NAT8L: variants seen among roughly 807,000 people sequenced by gnomAD.
NAT8L encodes aspartate N-acetyltransferase.
Under a neutral mutation model 21.2 loss-of-function variants are expected in NAT8L, and 6 were observed. The ratio of observed to expected loss-of-function variants is 0.28; its 90% CI spans 0.16 to 0.56. The LOEUF is 0.56. NAT8L is among the 20% of genes least tolerant of loss of function. NAT8L has a pLI of 0.93. For synonymous variants in NAT8L, 239 were observed against 204.9 expected, an observed-to-expected ratio of 1.17 and a Z score of -1.42; for missense variants, 331 against 433.3, an observed-to-expected ratio of 0.76 and a Z score of 2.10.
At chr4:2,063,229 C>G (rs1045823606) in intron 2 of NAT8L, among the ~76,000 whole-genome samples, 2 of 152,286 alleles carry the variant, frequency 1.3e-5, no homozygotes, top group African/African-American at 2.4e-5. Context: ...TTGCGGCCCT[C>G]TGCTGTGGGT....
Position 2,064,490 on chromosome 4 carries a change from C to T in NAT8L, c.*363C>T, listed in dbSNP as rs910712554. 1.9e-5 allele frequency: 3 copies of T among 157,010 alleles called. 1 individual carries two copies. The highest frequency in any genetic ancestry group is 1.9e-4 in the East Asian group (1 of 5,374). 9.7% of individuals were successfully genotyped at this position (157,010 alleles called of 1,614,324 possible). A position where few individuals can be genotyped will look rare whatever the true frequency, so the allele number is the denominator to read the frequency against. On this transcript the variant is annotated 3_prime_UTR_variant, in exon 3 of 3. Coordinates refer to ENST00000423729, the MANE Select transcript of NAT8L (RefSeq NM_178557.4). The stretch of plus-strand genomic sequence containing the variant: ...AGCACAGAACCTCTGCAGCAGATCC[C>T]GGGGCCAGGCTCCGGCCCCGCCTGC...
chr4:2,060,059 G>T lies in NAT8L; in HGVS notation c.376+172G>T, dbSNP rs1729823006. 6.6e-6 allele frequency among the ~76,000 whole-genome samples: 1 copy of T among 151,834 alleles called. No individual in the cohort carries two copies. Among genetic ancestry groups the T allele is most frequent in the East Asian group, 2.0e-4 (1 of 5,118 alleles). ...GCTGGCTATGGGCGTGGGGATGGGCGCAGGGCCCCGAGCGGGCCGGAGCCG... is the reference window on the plus strand; with the variant it reads ...GCTGGCTATGGGCGTGGGGATGGGCTCAGGGCCCCGAGCGGGCCGGAGCCG... On this transcript the variant is annotated intron_variant, in intron 1 of 2. Transcript: ENST00000423729. This position sits in a 1 kb window ranked among gnomAD's most constrained non-coding sequence, Gnocchi z 4.7.
chr4:2,068,653 C>G lies in NAT8L; in HGVS notation c.*4526C>G, dbSNP rs891423396. 7.2e-5 allele frequency: 11 copies of G among 152,248 alleles called. No individual in the cohort carries two copies. The highest frequency in any genetic ancestry group is 2.7e-4 in the African/African-American group (11 of 41,438). 9.4% of individuals were successfully genotyped at this position (152,248 alleles called of 1,614,324 possible). A position where few individuals can be genotyped will look rare whatever the true frequency, so the allele number is the denominator to read the frequency against. On this transcript the variant is annotated 3_prime_UTR_variant, in exon 3 of 3. Transcript: ENST00000423729. ...CATGAGCATGCATGCGTGCGAGTGC[C>G]TGTGTGTGTACTTGCATATATGTGG... is the stretch of plus-strand genomic sequence containing the variant.
chr4:2,061,248 G>A, intron 2 of NAT8L, 86 bp downstream of exon 2: 1 of 1,566,922 alleles, frequency 6.4e-7, no homozygotes, highest in Non-Finnish European at 8.6e-7. Flanking sequence ...GCAGGCCTGG[G>A]CGAGGGCCGG....
chr4:2,066,433 C>T lies in NAT8L; in HGVS notation c.*2306C>T, dbSNP rs1327695721. ...TGAGCAGAGGCACTGGTGTGCCTGC[C>T]AGGCTGGGGCGGAGCTGCCCGGAAC... is the stretch of plus-strand genomic sequence containing the variant. On this transcript the variant is annotated 3_prime_UTR_variant, in exon 3 of 3. Transcript: ENST00000423729. The T allele has an allele frequency of 6.6e-6, 1 of 152,248 alleles. No homozygotes were observed. The highest frequency in any genetic ancestry group is 1.5e-5 in the Non-Finnish European group (1 of 68,082). The allele number at this position is 152,248 out of a possible 1,614,324, so 9.4% of individuals were successfully genotyped here. A position where few individuals can be genotyped will look rare whatever the true frequency, so the allele number is the denominator to read the frequency against.
chr4:2,063,048 G>A (rs546549399), intron 2 of NAT8L, among the ~76,000 whole-genome samples: 2 of 152,230 alleles, frequency 1.3e-5, no homozygotes, highest in African/African-American at 2.4e-5. Flanking sequence ...TGCCTGACTC[G>A]AGGTGAGAAT....
In NAT8L at chr4:2,059,428, A is replaced by C; in HGVS notation, c.-84A>C. 2 of 507,942 alleles carry C rather than the reference A, an allele frequency of 3.9e-6. No individual in the cohort carries two copies. Among genetic ancestry groups the C allele is most frequent in the Non-Finnish European group, 5.0e-6 (2 of 403,314 alleles). The allele number at this position is 507,942 out of a possible 1,614,324, so 31.5% of individuals were successfully genotyped here. A position where few individuals can be genotyped will look rare whatever the true frequency, so the allele number is the denominator to read the frequency against. On this transcript the variant is annotated 5_prime_UTR_variant, in exon 1 of 3. Coordinates refer to ENST00000423729, the MANE Select transcript of NAT8L (RefSeq NM_178557.4). The surrounding 1 kb of genome is among the most constrained non-coding windows in gnomAD (Gnocchi z 4.8). ...CGCCGCCGCCGCCGCCGCGGGTCCG[A>C]GGGCGCCGCGCCCTTGCCCTGGGCC...
chr4:2,063,950 G>T lies in NAT8L; in HGVS notation c.732G>T (p.Val244=). 1 of 1,611,818 alleles carries T rather than the reference G, an allele frequency of 6.2e-7. No individual in the cohort carries two copies. The highest frequency in any genetic ancestry group is 8.5e-7 in the Non-Finnish European group (1 of 1,179,614). The change falls in exon 3 of 3, where the codon GTG becomes GTT. Residue 244 remains valine, a synonymous_variant. Transcript: ENST00000423729. ...CCGTGGTGCACAACTACTCCGCGGTGGTGCTGGGCACGACGGCCGTCAAGG... is the reference window on the plus strand; with the variant it reads ...CCGTGGTGCACAACTACTCCGCGGTTGTGCTGGGCACGACGGCCGTCAAGG... ...EFAVVHNYSA[V]VLGTTAVKVA...
chr4:2,061,254 GC>G lies in NAT8L; in HGVS notation c.541+94del, dbSNP rs1300879961. ...GACCTCAGGGCAGGCCTGGGCGAGGGCCGGCGTGGGTGGGCCTGAGCCGGGG... is the reference window on the plus strand; with the variant it reads ...GACCTCAGGGCAGGCCTGGGCGAGGGCGGCGTGGGTGGGCCTGAGCCGGGG... On this transcript the variant is annotated intron_variant, in intron 2 of 2. Transcript: ENST00000423729. 3 of 1,561,348 alleles carry G rather than the reference GC, an allele frequency of 1.9e-6. No individual in the cohort carries two copies. In the African/African-American group the frequency reaches 4.1e-5, roughly 21 times the overall value.
At position 2,060,960 on chromosome 4, in the gene NAT8L, C is replaced by A. The variant is rs1399697431; in HGVS notation, c.377-38C>A. 3.1e-6 allele frequency: 4 copies of A among 1,270,040 alleles called. No individual in the cohort carries two copies. Among genetic ancestry groups the A allele is most frequent in the Non-Finnish European group, 4.3e-6 (4 of 922,322 alleles). 78.7% of individuals were successfully genotyped at this position (1,270,040 alleles called of 1,614,324 possible). ...GGGTGGCGTCTCTGGGGCCTGGGGACCCCCGCCGCGCCGCTGACCCGCGCC... is the reference window on the plus strand; with the variant it reads ...GGGTGGCGTCTCTGGGGCCTGGGGAACCCCGCCGCGCCGCTGACCCGCGCC... On this transcript the variant is annotated intron_variant, in intron 1 of 2. Transcript: ENST00000423729. This position sits in a 1 kb window ranked among gnomAD's most constrained non-coding sequence, Gnocchi z 4.7.
In NAT8L at chr4:2,059,897, C is replaced by A; in HGVS notation, c.376+10C>A. 7.8e-7 allele frequency: 1 copy of A among 1,278,680 alleles called. No individual in the cohort carries two copies. 79.2% of individuals were successfully genotyped at this position (1,278,680 alleles called of 1,614,324 possible). ...TACGCCCTGCTGGCGGGTCAGTGCG[C>A]CGGGCCCCCGGCTGCCGCAGTCCCT... On this transcript the variant is annotated intron_variant, in intron 1 of 2. Transcript: ENST00000423729. The surrounding 1 kb of genome is among the most constrained non-coding windows in gnomAD (Gnocchi z 4.8).
intron 2 of NAT8L, among the ~76,000 whole-genome samples, chr4:2,063,058 T>C (rs953427262): frequency 1.4e-4 from 21 of 152,196 alleles, no homozygotes; most frequent in Admixed American, 1.4e-3. Context: ...GAGGTGAGAA[T>C]TGGGCCGTGC....
chr4:2,062,037 G>A (rs945082422), intron 2 of NAT8L, among the ~76,000 whole-genome samples: 3 of 152,164 alleles, frequency 2.0e-5, no homozygotes, highest in African/African-American at 7.2e-5. Flanking sequence ...CAGCCCCTGA[G>A]CCCTGGCCAG....
chr4:2,061,047 G>T lies in NAT8L; in HGVS notation c.426G>T (p.Pro142=). 1 of 1,594,216 alleles carries T rather than the reference G, an allele frequency of 6.3e-7. No homozygotes were observed. The highest frequency in any genetic ancestry group is 2.3e-5 in the East Asian group (1 of 43,204). Residue 142 remains proline (P), a synonymous_variant, in exon 2 of 3, where the codon CCG becomes CCT. Coordinates refer to ENST00000423729, the MANE Select transcript of NAT8L (RefSeq NM_178557.4). ...CGCTGCTGCTGACGTGCCTGGTGCC[G>T]GCCGCGCTGCTGGGCCTGCGCTACT... ...SRSLLLTCLV[P]AALLGLRYYY...
chr4:2,059,820 C>A lies in NAT8L; in HGVS notation c.309C>A (p.Ile103=), dbSNP rs1577665546. The change falls in exon 1 of 3, where the codon ATC becomes ATA. Residue 103 remains isoleucine, a synonymous_variant. Coordinates refer to ENST00000423729, the MANE Select transcript of NAT8L (RefSeq NM_178557.4). This position sits in a 1 kb window ranked among gnomAD's most constrained non-coding sequence, Gnocchi z 4.8. The part of the protein sequence containing the change: ...RIFYDGIMER[I]PNTAFRGLRQ... ...TCTACGACGGCATCATGGAGCGCAT[C>A]CCTAACACGGCCTTCCGCGGCCTGC... is the stretch of plus-strand genomic sequence containing the variant. 1.4e-6 allele frequency: 2 copies of A among 1,394,630 alleles called. No homozygotes were observed. Among genetic ancestry groups the A allele is most frequent in the Non-Finnish European group, 1.9e-6 (2 of 1,065,132 alleles). 86.4% of individuals were successfully genotyped at this position (1,394,630 alleles called of 1,614,324 possible).
intron 2 of NAT8L, among the ~76,000 whole-genome samples, chr4:2,061,705 C>T (rs1343132930): frequency 6.6e-6 from 1 of 151,750 alleles, no homozygotes; most frequent in Admixed American, 6.6e-5. Context: ...GGTCTGGGCT[C>T]TAGGGGGGGT....
At position 2,066,415 on chromosome 4, in the gene NAT8L, A is replaced by C. The variant is rs1730000309; in HGVS notation, c.*2288A>C. The C allele has an allele frequency of 6.6e-6, 1 of 152,212 alleles. No individual in the cohort carries two copies. Among genetic ancestry groups the C allele is most frequent in the African/African-American group, 2.4e-5 (1 of 41,432 alleles). The allele number at this position is 152,212 out of a possible 1,614,324, so 9.4% of individuals were successfully genotyped here. A position where few individuals can be genotyped will look rare whatever the true frequency, so the allele number is the denominator to read the frequency against. On this transcript the variant is annotated 3_prime_UTR_variant, in exon 3 of 3. Transcript: ENST00000423729. ...ACCCTGCCGCCCCTGAGGTGAGCAG[A>C]GGCACTGGTGTGCCTGCCAGGCTGG... is the stretch of plus-strand genomic sequence containing the variant.
In NAT8L at chr4:2,067,470, AG is replaced by A. The variant is rs1297558752; in HGVS notation, c.*3347del. The A allele has an allele frequency of 1.3e-5, 2 of 152,304 alleles. No homozygotes were observed. Among genetic ancestry groups the A allele is most frequent in the Non-Finnish European group, 2.9e-5 (2 of 68,160 alleles). The allele number at this position is 152,304 out of a possible 1,614,324, so 9.4% of individuals were successfully genotyped here. On this transcript the variant is annotated 3_prime_UTR_variant, in exon 3 of 3. Coordinates refer to ENST00000423729, the MANE Select transcript of NAT8L (RefSeq NM_178557.4). ...GATGGCAGAAGGCTGCAGGCCCTAG[AG>A]GGGACGACGGGCTGGGGACGCCCTG...
At position 2,061,030 on chromosome 4, in the gene NAT8L, C is replaced by T. The variant is rs1240635872; in HGVS notation, c.409C>T (p.Leu137=). The change falls in exon 2 of 3, where the codon CTG becomes TTG. Residue 137 remains leucine (L), a synonymous_variant. Transcript: ENST00000423729. ...CTTCGCCGTGAGCCGCTCGCTGCTG[C>T]TGACGTGCCTGGTGCCGGCCGCGCT... ...LCFAVSRSLL[L]TCLVPAALLG... The T allele has an allele frequency of 1.3e-6, 2 of 1,579,148 alleles. No individual in the cohort carries two copies. The highest frequency in any genetic ancestry group is 2.3e-5 in the South Asian group (2 of 87,004).
Sources: gnomAD v4.1 joint callset for allele counts (sites outside exome capture counted in the v4.1 genomes callset) on GRCh38, gnomAD v4.1.1 for gene constraint, Gnocchi (gnomAD v3.1) non-coding constraint, MANE v1.5 for transcripts, NCBI Gene and HGNC (gene_info 2026-07-23, HGNC 2026-07-21) for gene names.